The following PHC2 variants were observed in gnomAD, a reference collection of about 807,000 sequenced individuals.
The protein encoded by PHC2 is polyhomeotic-like protein 2.
PHC2 carries 29 observed loss-of-function variants against 87.4 expected under a neutral mutation model. The ratio of observed to expected loss-of-function variants is 0.33; its 90% CI spans 0.25 to 0.45. PHC2 has a LOEUF of 0.45. Ranked by LOEUF, PHC2 falls within the 20% of genes least tolerant of loss-of-function variation. The pLI, the probability that PHC2 is intolerant of heterozygous loss-of-function variation, is 1.00. For missense variants in PHC2, 857 were observed against 1,136.7 expected, an observed-to-expected ratio of 0.75 and a Z score of 3.54; for synonymous variants, 438 against 461.7, an observed-to-expected ratio of 0.95 and a Z score of 0.66.
At chr1:33,354,277 C>A in intron 9 of PHC2, 124 bp downstream of exon 9, 1 of 857,150 alleles carries the variant, frequency 1.2e-6, no homozygotes, top group Admixed American at 2.7e-5. Context: ...CTGTTTCCAA[C>A]CCCCCAGCTT....
At chr1:33,402,687 C>T (rs560324461) in intron 1 of PHC2, among the ~76,000 whole-genome samples, 1 of 152,156 alleles carries the variant, frequency 6.6e-6, no homozygotes, top group Non-Finnish European at 1.5e-5. Context: ...ACAAAAGAAG[C>T]AAGACTCAGA....
Position 33,349,457 on chromosome 1 carries a change from G to A in PHC2, c.1558+4944C>T. 1 of 985,240 alleles carries A rather than the reference G, an allele frequency of 1.0e-6. No individual in the cohort carries two copies. Among genetic ancestry groups the A allele is most frequent in the Non-Finnish European group, 1.2e-6 (1 of 829,886 alleles). The allele number at this position is 985,240 out of a possible 1,614,324, so 61.0% of individuals were successfully genotyped here. A position where few individuals can be genotyped will look rare whatever the true frequency, so the allele number is the denominator to read the frequency against. On this transcript the variant is annotated intron_variant, in intron 9 of 14. Transcript: ENST00000683057. The surrounding 1 kb of genome is among the most constrained non-coding windows in gnomAD (Gnocchi z 4.2). Reference sequence around the variant, plus strand: ...CACCTCCCAGGCGCCGCGCGGACGAGAGCCGCGACTGGCACGGCCTGGCAG... The same window carrying A: ...CACCTCCCAGGCGCCGCGCGGACGAAAGCCGCGACTGGCACGGCCTGGCAG...
chr1:33,366,864 G>C (rs1262526203), intron 7 of PHC2, among the ~76,000 whole-genome samples: 3 of 152,208 alleles, frequency 2.0e-5, no homozygotes, highest in African/African-American at 4.8e-5. Context: ...TGCGTACCCT[G>C]ATTCATCGCT....
At chr1:33,381,501 A>G (rs1482369542) in intron 1 of PHC2, among the ~76,000 whole-genome samples, 2 of 152,132 alleles carry the variant, frequency 1.3e-5, no homozygotes, top group Non-Finnish European at 2.9e-5. Flanking sequence ...GTCAAGCACT[A>G]TCATAGATAC....
intron 9 of PHC2, among the ~76,000 whole-genome samples, chr1:33,352,556 T>G (rs527981811): frequency 6.6e-6 from 1 of 152,342 alleles, no homozygotes; most frequent in East Asian, 1.9e-4. Context: ...ATGGGCTGAA[T>G]TTACAAGGTA....
At chr1:33,348,508 CATT>C (rs1344503951) in intron 9 of PHC2, among the ~76,000 whole-genome samples, 3 of 152,186 alleles carry the variant, frequency 2.0e-5, no homozygotes, top group African/African-American at 7.2e-5. Flanking sequence ...TACAAAGTGA[CATT>C]ATTTTTTAAA....
At chr1:33,402,447 T>C (rs1649576138) in intron 1 of PHC2, among the ~76,000 whole-genome samples, 1 of 152,132 alleles carries the variant, frequency 6.6e-6, no homozygotes, top group Non-Finnish European at 1.5e-5. Flanking sequence ...TATACACCTA[T>C]CTTAGAAAAA....
chr1:33,365,869 C>T (rs1647419827), intron 7 of PHC2, among the ~76,000 whole-genome samples: 1 of 139,328 alleles, frequency 7.2e-6, no homozygotes, highest in Non-Finnish European at 1.5e-5. Flanking sequence ...GAACCTTCCC[C>T]ACTCTGTCTG....
intron 9 of PHC2, among the ~76,000 whole-genome samples, chr1:33,344,721 G>A (rs1026575752): frequency 4.6e-5 from 7 of 151,978 alleles, no homozygotes; most frequent in Middle Eastern, 3.2e-3. Flanking sequence ...CTCCCACCTC[G>A]GTCTCCTGAG....
At chr1:33,337,224 A>C (rs1646656442) in intron 9 of PHC2, among the ~76,000 whole-genome samples, 1 of 152,218 alleles carries the variant, frequency 6.6e-6, no homozygotes. Flanking sequence ...CAATGCTTGA[A>C]AATTTTCTAT....
chr1:33,370,846 C>T (rs1043619003), intron 4 of PHC2, among the ~76,000 whole-genome samples, 171 bp downstream of exon 4: 2 of 152,062 alleles, frequency 1.3e-5, no homozygotes, highest in Non-Finnish European at 2.9e-5. Flanking sequence ...CAGGGAGTTA[C>T]TAACCTAAAG....
intron 9 of PHC2, among the ~76,000 whole-genome samples, chr1:33,351,187 G>A (rs1170462944): frequency 3.3e-5 from 5 of 152,222 alleles, no homozygotes; most frequent in South Asian, 2.1e-4. Context: ...CAATATGTAC[G>A]TGAAGGAGTG....
chr1:33,362,508 G>A (rs114994383), intron 7 of PHC2, among the ~76,000 whole-genome samples: 11 of 152,342 alleles, frequency 7.2e-5, no homozygotes, highest in African/African-American at 2.6e-4. Flanking sequence ...AGGGATGGAT[G>A]TGTATTAGGA....
chr1:33,428,039 G>A (rs923235597), intron 1 of PHC2, among the ~76,000 whole-genome samples: 1 of 151,788 alleles, frequency 6.6e-6, no homozygotes, highest in African/African-American at 2.4e-5. Flanking sequence ...ATAATACCAC[G>A]CATTAAGCAT....
rs1169201023 is a variant in PHC2 at position 33,368,172 on chromosome 1, A to T, written c.663+364T>A. 6.6e-6 allele frequency among the ~76,000 whole-genome samples: 1 copy of T among 152,230 alleles called. No individual in the cohort carries two copies. Among genetic ancestry groups the T allele is most frequent in the Non-Finnish European group, 1.5e-5 (1 of 68,036 alleles). On this transcript the variant is annotated intron_variant, in intron 6 of 14. Transcript: ENST00000683057. The surrounding 1 kb of genome is among the most constrained non-coding windows in gnomAD (Gnocchi z 6.6). ...CATGTCATTTTTCTCGAGTCCTAGC[A>T]GCACTACCGTGTGTAACCGGAGCGG...
chr1:33,418,613 A>G (rs952563878), intron 1 of PHC2, among the ~76,000 whole-genome samples: 1 of 152,212 alleles, frequency 6.6e-6, no homozygotes, highest in Non-Finnish European at 1.5e-5. Flanking sequence ...ATCTATTCAC[A>G]AAGATAACTC....
At chr1:33,343,482 A>AAAAG (rs1343741774) in intron 9 of PHC2, among the ~76,000 whole-genome samples, 1 of 151,258 alleles carries the variant, frequency 6.6e-6, no homozygotes, top group East Asian at 1.9e-4. Flanking sequence ...AAAAAAAAAA[A>AAAAG]AAAAAAAAAG....
chr1:33,396,968 A>C (rs926777747), intron 1 of PHC2, among the ~76,000 whole-genome samples: 3 of 152,166 alleles, frequency 2.0e-5, no homozygotes, highest in African/African-American at 7.2e-5. Context: ...TCTTTGGTTT[A>C]GTGTTAACAC....
intron 1 of PHC2, among the ~76,000 whole-genome samples, chr1:33,417,569 C>G (rs1456204312): frequency 6.6e-6 from 1 of 152,026 alleles, no homozygotes; most frequent in African/African-American, 2.4e-5. Flanking sequence ...GGCAGTTCAT[C>G]AAGAGAACAC....
Sources: gnomAD v4.1 joint callset for allele counts (sites outside exome capture counted in the v4.1 genomes callset) on GRCh38, gnomAD v4.1.1 for gene constraint, Gnocchi (gnomAD v3.1) non-coding constraint, MANE v1.5 for transcripts, NCBI Gene and HGNC (gene_info 2026-07-23, HGNC 2026-07-21) for gene names.